PIK3C2G: variants seen among roughly 807,000 people sequenced by gnomAD.
PIK3C2G encodes the protein phosphatidylinositol-4-phosphate 3-kinase catalytic subunit type 2 gamma.
Under a neutral mutation model 181.1 loss-of-function variants are expected in PIK3C2G, and 168 were observed. The ratio of observed to expected loss-of-function variants is 0.93; its 90% CI spans 0.82 to 1.05. PIK3C2G has a LOEUF of 1.05. Among genes scored for constraint, PIK3C2G ranks in the 50% least tolerant of loss-of-function variants. The pLI is 0.00. For synonymous variants in PIK3C2G, 573 were observed against 592.2 expected, an observed-to-expected ratio of 0.97 and a Z score of 0.47; for missense variants, 1,869 against 1,732.8, an observed-to-expected ratio of 1.08 and a Z score of -1.40.
rs747191371 is a variant in PIK3C2G, at chr12:18,346,743, C to G, written c.1532C>G (p.Pro511Arg). 6.2e-7 allele frequency: 1 copy of G among 1,613,362 alleles called. No individual in the cohort carries two copies. Among genetic ancestry groups the G allele is most frequent in the Admixed American group, 1.7e-5 (1 of 59,962 alleles). ...FYADFQPVNVPRCTSYLNPGL... is the reference protein window; with the variant it reads ...FYADFQPVNVRRCTSYLNPGL... ...GCAGATTTTCAGCCTGTAAATGTACCTAGATGCACTTCCTATCTAAATCCC... is the reference window on the plus strand; with the variant it reads ...GCAGATTTTCAGCCTGTAAATGTACGTAGATGCACTTCCTATCTAAATCCC... The change falls in exon 11 of 33, where the codon CCT (proline) becomes CGT (arginine). Residue 511 changes from proline (P) to arginine (R), a missense_variant. Transcript: ENST00000538779.
chr12:18,537,620 C>T (rs1943929290), intron 24 of PIK3C2G, among the ~76,000 whole-genome samples: 1 of 151,972 alleles, frequency 6.6e-6, no homozygotes, highest in South Asian at 2.1e-4. Flanking sequence ...TTTACTGGGT[C>T]CAGTGTGAAA....
the PIK3C2G span, among the ~76,000 whole-genome samples, chr12:18,689,773 A>T: frequency 6.6e-6 from 1 of 152,188 alleles, no homozygotes; most frequent in Non-Finnish European, 1.5e-5. Flanking sequence ...CTCAGATTGC[A>T]GGTGACGAAG....
At chr12:18,546,910 G>T (rs1944460940) in intron 26 of PIK3C2G, among the ~76,000 whole-genome samples, 3 of 151,898 alleles carry the variant, frequency 2.0e-5, no homozygotes, top group Non-Finnish European at 1.5e-5. Context: ...GTATATCAAG[G>T]TAAGAATCTG....
At chr12:18,695,459 A>G in the PIK3C2G span, among the ~76,000 whole-genome samples, 17 of 152,294 alleles carry the variant, frequency 1.1e-4, no homozygotes, top group Non-Finnish European at 2.2e-4. Flanking sequence ...TTTCAAGTCC[A>G]TGAGATGCTG....
chr12:18,408,296 C>A (rs985436910), intron 16 of PIK3C2G, among the ~76,000 whole-genome samples: 7 of 152,136 alleles, frequency 4.6e-5, no homozygotes, highest in African/African-American at 1.7e-4. Context: ...AACCAGTTTT[C>A]CCAACACCAT....
At chr12:18,564,215 T>C (rs557533898) in intron 28 of PIK3C2G, among the ~76,000 whole-genome samples, 6 of 152,060 alleles carry the variant, frequency 3.9e-5, no homozygotes, top group African/African-American at 1.4e-4. Flanking sequence ...CAAATAACCC[T>C]TCAAAAATTC....
chr12:18,510,226 A>G (rs1398748565), intron 24 of PIK3C2G, among the ~76,000 whole-genome samples: 1 of 152,176 alleles, frequency 6.6e-6, no homozygotes, highest in Non-Finnish European at 1.5e-5. Flanking sequence ...ACCTCGGCCC[A>G]AAATGCTGGA....
chr12:18,622,520 C>G (rs77344976), intron 31 of PIK3C2G, among the ~76,000 whole-genome samples: 13,965 of 151,894 alleles, frequency 0.092, 842 homozygotes, highest in Non-Finnish European at 0.14. Context: ...ATAAATATGG[C>G]AGTGCAGACA....
chr12:18,534,989 T>C (rs1943772719), intron 24 of PIK3C2G, among the ~76,000 whole-genome samples: 1 of 152,060 alleles, frequency 6.6e-6, no homozygotes, highest in African/African-American at 2.4e-5. Flanking sequence ...CAATATATAA[T>C]TCAAAATATA....
intron 23 of PIK3C2G, among the ~76,000 whole-genome samples, 178 bp from the exon 24 acceptor site, chr12:18,505,114 C>G (rs533276192): frequency 6.6e-6 from 1 of 152,260 alleles, no homozygotes; most frequent in East Asian, 1.9e-4. Context: ...GTTTCATATT[C>G]TTCTGTAGCA....
At chr12:18,546,264 G>A (rs924258871) in intron 25 of PIK3C2G, 59 bp from the exon 26 acceptor site, 1 of 1,015,180 alleles carries the variant, frequency 9.9e-7, no homozygotes, top group Non-Finnish European at 1.5e-6. Context: ...AAGTAAGCTT[G>A]ATTGTATCTG....
the PIK3C2G span, among the ~76,000 whole-genome samples, chr12:18,656,605 A>G: frequency 6.6e-6 from 1 of 152,020 alleles, no homozygotes; most frequent in South Asian, 2.1e-4. Flanking sequence ...GCATGGTTAC[A>G]TGCACCTGGT....
chr12:18,639,810 C>T (rs1479494001), intron 31 of PIK3C2G, among the ~76,000 whole-genome samples: 1 of 152,046 alleles, frequency 6.6e-6, no homozygotes, highest in Non-Finnish European at 1.5e-5. Flanking sequence ...CAGCAACTGC[C>T]TTAGGCAACT....
the PIK3C2G span, among the ~76,000 whole-genome samples, chr12:18,665,934 C>CA: frequency 0.41 from 53,117 of 128,192 alleles, 11,603 homozygotes; most frequent in South Asian, 0.6. Flanking sequence ...GACTCCATCT[C>CA]AAAAAAAAAA....
chr12:18,375,681 G>A (rs186404766), intron 13 of PIK3C2G, among the ~76,000 whole-genome samples: 19 of 152,328 alleles, frequency 1.2e-4, no homozygotes, highest in African/African-American at 4.6e-4. Flanking sequence ...TGTGAAAAAG[G>A]TCTCAAAGGC....
At position 18,573,791 on chromosome 12, in the gene PIK3C2G, T is replaced by G. The variant is rs556920693; in HGVS notation, c.4011+6734T>G. 2.4e-4 allele frequency among the ~76,000 whole-genome samples: 37 copies of G among 152,302 alleles called. No individual in the cohort carries two copies. In the Middle Eastern group the frequency reaches 0.01, roughly 42 times the overall value. ...TCTCCGTCTCTTTCTTGTGCTCTAC[T>G]ACAGCCATTCTCTCATAGGTTGCTA... On this transcript the variant is annotated intron_variant, in intron 29 of 32. Coordinates refer to ENST00000538779, the MANE Select transcript of PIK3C2G (RefSeq NM_001288772.2).
chr12:18,547,669 A>C (rs201034143), intron 26 of PIK3C2G, among the ~76,000 whole-genome samples: 6 of 112,140 alleles, frequency 5.4e-5, no homozygotes, highest in Non-Finnish European at 9.9e-5. Context: ...CAAAACAAAA[A>C]AAACCCTGCC....
chr12:18,313,804 TCACACACA>T (rs5796752), intron 5 of PIK3C2G, among the ~76,000 whole-genome samples, 150 bp from the exon 6 acceptor site: 17 of 149,580 alleles, frequency 1.1e-4, no homozygotes, highest in Admixed American at 2.0e-4. Flanking sequence ...GCATATATAT[TCACACACA>T]CACACACACA....
At chr12:18,329,304 T>A (rs142092088) in intron 8 of PIK3C2G, among the ~76,000 whole-genome samples, 1 of 151,826 alleles carries the variant, frequency 6.6e-6, no homozygotes, top group African/African-American at 2.4e-5. Flanking sequence ...AATTAAAGAA[T>A]AATAATAGAA....
Sources: gnomAD v4.1 joint callset for allele counts (sites outside exome capture counted in the v4.1 genomes callset) on GRCh38, gnomAD v4.1.1 for gene constraint, MANE v1.5 for transcripts, NCBI Gene and HGNC (gene_info 2026-07-23, HGNC 2026-07-21) for gene names.